EEFSEC: variants seen among roughly 807,000 people sequenced by gnomAD.
The protein encoded by EEFSEC is eukaryotic elongation factor, selenocysteine-tRNA specific, also known as selenocysteine-specific elongation factor.
Under a neutral mutation model 42.1 loss-of-function variants are expected in EEFSEC, and 43 were observed. The observed-to-expected ratio is 1.02, with a 90% confidence interval of 0.80 to 1.32. The LOEUF (loss-of-function observed/expected upper bound fraction) is 1.32. Among genes scored for constraint, EEFSEC ranks in the 40% most tolerant of loss-of-function variants. The pLI, the probability that EEFSEC is intolerant of heterozygous loss-of-function variation, is 0.00. For missense variants in EEFSEC, 745 were observed against 803.6 expected, an observed-to-expected ratio of 0.93 and a Z score of 0.88; for synonymous variants, 354 against 339.1, an observed-to-expected ratio of 1.04 and a Z score of -0.48.
At chr3:128,394,069 G>A (rs866843144) in intron 6 of EEFSEC, among the ~76,000 whole-genome samples, 3 of 152,198 alleles carry the variant, frequency 2.0e-5, no homozygotes, top group African/African-American at 7.2e-5. Context: ...CCTGGGCCTT[G>A]CAGCCACAGG....
intron 1 of EEFSEC, among the ~76,000 whole-genome samples, chr3:128,180,876 G>A (rs1397892559): frequency 6.6e-6 from 1 of 152,206 alleles, no homozygotes; most frequent in African/African-American, 2.4e-5. Flanking sequence ...TAAAAAAAGG[G>A]GGCTAATGAA....
intron 1 of EEFSEC, among the ~76,000 whole-genome samples, chr3:128,241,569 T>C (rs1302334840): frequency 6.6e-6 from 1 of 152,160 alleles, no homozygotes; most frequent in African/African-American, 2.4e-5. Context: ...GGTCTTGAAC[T>C]CCTGAGCTCA....
At chr3:128,237,185 T>G (rs889738038) in intron 1 of EEFSEC, among the ~76,000 whole-genome samples, 2 of 152,242 alleles carry the variant, frequency 1.3e-5, no homozygotes, top group African/African-American at 4.8e-5. Context: ...ATTTTAAGCT[T>G]CTCTCCCTTG....
intron 1 of EEFSEC, among the ~76,000 whole-genome samples, chr3:128,181,934 C>T (rs1045209282): frequency 6.6e-6 from 1 of 152,224 alleles, no homozygotes; most frequent in South Asian, 2.1e-4. Flanking sequence ...CCACCTCAGG[C>T]TCCTGAGTAG....
chr3:128,271,236 G>A (rs2066409411), intron 4 of EEFSEC, among the ~76,000 whole-genome samples: 1 of 152,140 alleles, frequency 6.6e-6, no homozygotes, highest in Admixed American at 6.5e-5. Context: ...CAGTGGAGAT[G>A]CTCCCTGTGT....
At chr3:128,319,741 C>T (rs1430273157) in intron 4 of EEFSEC, among the ~76,000 whole-genome samples, 1 of 152,244 alleles carries the variant, frequency 6.6e-6, no homozygotes, top group African/African-American at 2.4e-5. Context: ...CTGAATGCCA[C>T]ACCATGTTCT....
At chr3:128,211,827 T>A (rs2065758971) in intron 1 of EEFSEC, among the ~76,000 whole-genome samples, 1 of 144,552 alleles carries the variant, frequency 6.9e-6, no homozygotes, top group Admixed American at 6.9e-5. Flanking sequence ...GAAATACATA[T>A]ACTTCTTTTC....
At chr3:128,352,447 G>A (rs57131094) in intron 5 of EEFSEC, among the ~76,000 whole-genome samples, 3,374 of 152,258 alleles carry the variant, frequency 0.022, 113 homozygotes, top group African/African-American at 0.077. Context: ...TCCCCTCCCC[G>A]CATCCAGCTG....
In EEFSEC at chr3:128,358,363, C is replaced by T; in HGVS notation, c.1590C>T (p.Ile530=). Reference sequence around the variant, plus strand: ...TCGGCCAGAGCGGCAAGTTCAAGATCCACATCCCAGGTAAGTGCAGCCACT... The same window carrying T: ...TCGGCCAGAGCGGCAAGTTCAAGATTCACATCCCAGGTAAGTGCAGCCACT... ...SAFGQSGKFK[I]HIPGGLSPES... is the part of the protein sequence containing the mutation. The change falls in exon 6 of 7, where the codon ATC becomes ATT. Residue 530 remains isoleucine, a synonymous_variant. Coordinates refer to ENST00000254730, the MANE Select transcript of EEFSEC (RefSeq NM_021937.5). 1 of 1,614,232 alleles carries T rather than the reference C, an allele frequency of 6.2e-7. No homozygotes were observed. The highest frequency in any genetic ancestry group is 8.5e-7 in the Non-Finnish European group (1 of 1,180,024).
chr3:128,299,343 T>C (rs961887726), intron 4 of EEFSEC, among the ~76,000 whole-genome samples: 5 of 152,242 alleles, frequency 3.3e-5, no homozygotes, highest in African/African-American at 1.2e-4. Context: ...TTTTTTCATA[T>C]ACCTGATGGC....
intron 1 of EEFSEC, among the ~76,000 whole-genome samples, chr3:128,167,528 T>G (rs1474463129): frequency 6.6e-6 from 1 of 152,224 alleles, no homozygotes; most frequent in Non-Finnish European, 1.5e-5. Context: ...TCAATGGAAA[T>G]TCAATCCTCA....
intron 6 of EEFSEC, among the ~76,000 whole-genome samples, chr3:128,397,190 T>C (rs1336517142): frequency 6.6e-6 from 1 of 152,158 alleles, no homozygotes; most frequent in Non-Finnish European, 1.5e-5. Flanking sequence ...CTTGCCATCC[T>C]CCCTCCTTCC....
intron 4 of EEFSEC, among the ~76,000 whole-genome samples, chr3:128,276,146 T>C (rs2066465714): frequency 6.6e-6 from 1 of 152,194 alleles, no homozygotes; most frequent in Non-Finnish European, 1.5e-5. Flanking sequence ...CTGCACAGGG[T>C]GGGAATAAAT....
At chr3:128,292,177 G>A (rs1055690420) in intron 4 of EEFSEC, among the ~76,000 whole-genome samples, 5 of 151,850 alleles carry the variant, frequency 3.3e-5, no homozygotes, top group Admixed American at 2.0e-4. Flanking sequence ...ATCCTATTTT[G>A]TTATGAAATA....
intron 1 of EEFSEC, among the ~76,000 whole-genome samples, chr3:128,206,827 C>A (rs2065702006): frequency 1.3e-5 from 2 of 152,202 alleles, no homozygotes; most frequent in African/African-American, 4.8e-5. Flanking sequence ...CACTTTACTT[C>A]TGCTGCCCTG....
intron 1 of EEFSEC, among the ~76,000 whole-genome samples, chr3:128,184,835 T>C (rs2955123): frequency 0.13 from 19,548 of 152,196 alleles, 1,515 homozygotes; most frequent in Middle Eastern, 0.2. Context: ...TATCACAAAC[T>C]CTGCAGTGAT....
intron 1 of EEFSEC, among the ~76,000 whole-genome samples, chr3:128,233,338 G>T (rs1283425414): frequency 6.6e-6 from 1 of 152,226 alleles, no homozygotes; most frequent in Non-Finnish European, 1.5e-5. Flanking sequence ...TTTAAAAAAT[G>T]ATATGATTTA....
intron 4 of EEFSEC, among the ~76,000 whole-genome samples, chr3:128,301,815 G>A (rs1418595862): frequency 6.6e-6 from 1 of 152,136 alleles, no homozygotes; most frequent in Non-Finnish European, 1.5e-5. Flanking sequence ...CATTTAATGA[G>A]GAGGGGTAGA....
chr3:128,338,822 C>T (rs895136992), intron 4 of EEFSEC, among the ~76,000 whole-genome samples: 6 of 152,024 alleles, frequency 3.9e-5, no homozygotes, highest in African/African-American at 9.7e-5. Context: ...ACCAGGAGAC[C>T]GCCACCCATC....
Sources: gnomAD v4.1 joint callset for allele counts (sites outside exome capture counted in the v4.1 genomes callset) on GRCh38, gnomAD v4.1.1 for gene constraint, MANE v1.5 for transcripts, NCBI Gene and HGNC (gene_info 2026-07-23, HGNC 2026-07-21) for gene names.